Variants in C17orf113 observed in about 807,000 individuals in gnomAD.
C17orf113 encodes uncharacterized protein C17orf113.
A neutral mutation model predicts 11.6 loss-of-function variants in C17orf113; 5 were observed. The ratio of observed to expected loss-of-function variants is 0.43; its 90% CI spans 0.23 to 0.91. The LOEUF (loss-of-function observed/expected upper bound fraction) is 0.91. C17orf113 is among the 40% of genes least tolerant of loss of function. The pLI is 0.26. For synonymous variants in C17orf113, 327 were observed against 390.6 expected (o/e 0.84, Z 1.92); for missense variants, 714 against 841.3 (o/e 0.85, Z 1.87).
intron 1 of C17orf113, among the ~76,000 whole-genome samples, chr17:42,045,272 C>T (rs561086141): frequency 2.0e-5 from 3 of 152,166 alleles, no homozygotes; most frequent in South Asian, 2.1e-4. Context: ...AGGATGGTCT[C>T]GATCTCCTGA....
chr17:42,046,844 T>C (rs1229087788), intron 1 of C17orf113, among the ~76,000 whole-genome samples: 3 of 151,722 alleles, frequency 2.0e-5, no homozygotes, highest in Non-Finnish European at 4.4e-5. Context: ...AGACTGTCAA[T>C]TAGATGATAT....
Position 42,043,283 on chromosome 17 carries a change from T to C in C17orf113, c.94A>G (p.Thr32Ala), listed in dbSNP as rs1185374265. 2.4e-6 allele frequency: 3 copies of C among 1,232,140 alleles called. No individual in the cohort carries two copies. The highest frequency in any genetic ancestry group is 1.6e-5 in the African/African-American group (1 of 64,444). 76.3% of individuals were successfully genotyped at this position (1,232,140 alleles called of 1,614,324 possible). A position where few individuals can be genotyped will look rare whatever the true frequency, so the allele number is the denominator to read the frequency against. Reference sequence around the variant, plus strand: ...CGCTCATAGTCAAAGTCCAGCCAGGTAAACTCCTCTTTCCAGTGCTCGTTG... The same window carrying C: ...CGCTCATAGTCAAAGTCCAGCCAGGCAAACTCCTCTTTCCAGTGCTCGTTG... ...YFNEHWKEEF[T>A]WLDFDYERKL... The change falls in exon 2 of 3, where the codon ACC (threonine) becomes GCC (alanine). Residue 32 changes from threonine to alanine, a missense_variant. This residue lies in a region of C17orf113 where 516 missense variants were observed against 626.6 expected (regional missense o/e 0.82). Transcript: ENST00000587304.
Position 42,042,861 on chromosome 17 carries a change from G to A in C17orf113, c.516C>T (p.Tyr172=). ...ALLGTEHGDY[Y]SPRRVRDMQV... is the part of the protein sequence containing the mutation. ...GCATGTCCCTCACCCTCCTGGGACTGTAGTAATCGCCATGCTCTGTGCCCA... is the reference window on the plus strand; with the variant it reads ...GCATGTCCCTCACCCTCCTGGGACTATAGTAATCGCCATGCTCTGTGCCCA... The change falls in exon 2 of 3, where the codon TAC becomes TAT. Residue 172 remains tyrosine, a synonymous_variant. Transcript: ENST00000587304. The A allele has an allele frequency of 8.1e-7, 1 of 1,232,328 alleles. No individual in the cohort carries two copies. Among genetic ancestry groups the A allele is most frequent in the Non-Finnish European group, 1.0e-6 (1 of 988,084 alleles). The allele number at this position is 1,232,328 out of a possible 1,614,324, so 76.3% of individuals were successfully genotyped here.
Position 42,039,258 on chromosome 17 carries a change from GAAAAA to G in C17orf113, c.*442_*446del, listed in dbSNP as rs532571836. On this transcript the variant is annotated 3_prime_UTR_variant, in exon 3 of 3. Transcript: ENST00000587304. Reference sequence around the variant, plus strand: ...AGAGCAAGACTCCATCTCAAAAAAAGAAAAAAAAAGAAAAGAAAAAGAAAGAAACA... The same window carrying G: ...AGAGCAAGACTCCATCTCAAAAAAAGAAAAGAAAAGAAAAAGAAAGAAACA... 7.7e-4 allele frequency: 118 copies of G among 153,396 alleles called. No homozygotes were observed. The highest frequency in any genetic ancestry group is 6.5e-3 in the Middle Eastern group (2 of 310). 9.5% of individuals were successfully genotyped at this position (153,396 alleles called of 1,614,324 possible).
chr17:42,039,655 T>G lies in C17orf113; in HGVS notation c.*50A>C. The G allele has an allele frequency of 8.1e-7, 1 of 1,227,080 alleles. No homozygotes were observed. The highest frequency in any genetic ancestry group is 1.0e-6 in the Non-Finnish European group (1 of 983,394). The allele number at this position is 1,227,080 out of a possible 1,614,324, so 76.0% of individuals were successfully genotyped here. A position where few individuals can be genotyped will look rare whatever the true frequency, so the allele number is the denominator to read the frequency against. ...GCATGGTCAAGTCTAGGTTGGCCCT[T>G]ACAGTGCCCAGGGCCCCAGGCTGGA... is the stretch of plus-strand genomic sequence containing the variant. On this transcript the variant is annotated 3_prime_UTR_variant, in exon 3 of 3. Coordinates refer to ENST00000587304, the MANE Select transcript of C17orf113 (RefSeq NM_001358661.2).
chr17:42,038,238 G>A lies in C17orf113; in HGVS notation c.*1467C>T. ...CACCACCATGGAGACTGCATGATGT[G>A]CTGGGATTCCATTTTATTGCAAATT... On this transcript the variant is annotated 3_prime_UTR_variant, in exon 3 of 3. Coordinates refer to ENST00000587304, the MANE Select transcript of C17orf113 (RefSeq NM_001358661.2). 2 of 561,926 alleles carry A rather than the reference G, an allele frequency of 3.6e-6. No individual in the cohort carries two copies. The highest frequency in any genetic ancestry group is 9.3e-4 in the Middle Eastern group (2 of 2,146). The allele number at this position is 561,926 out of a possible 1,614,324, so 34.8% of individuals were successfully genotyped here. A position where few individuals can be genotyped will look rare whatever the true frequency, so the allele number is the denominator to read the frequency against.
chr17:42,043,168 T>C lies in C17orf113; in HGVS notation c.209A>G (p.Asn70Ser), dbSNP rs1422774323. The change falls in exon 2 of 3, where the codon AAC becomes AGC. Residue 70 changes from asparagine (N) to serine (S), a missense_variant. Around this residue, in one of 3 missense-constraint regions of C17orf113, gnomAD observed 516 missense variants for 626.6 expected, o/e 0.82. Coordinates refer to ENST00000587304, the MANE Select transcript of C17orf113 (RefSeq NM_001358661.2). ...GCGCAGCAGGGCGTGGCGCTGGAAG[T>C]TGTCTGTGCCCACAGTGAAGGCGTT... ...AENAFTVGTD[N>S]FQRHALLRHV... 16 of 1,232,070 alleles carry C rather than the reference T, an allele frequency of 1.3e-5. No homozygotes were observed. The African/African-American group carries it at 2.2e-4, about 17-fold the overall frequency. The allele number at this position is 1,232,070 out of a possible 1,614,324, so 76.3% of individuals were successfully genotyped here.
At chr17:42,046,358 T>C (rs565290511) in intron 1 of C17orf113, among the ~76,000 whole-genome samples, 1 of 152,152 alleles carries the variant, frequency 6.6e-6, no homozygotes, top group East Asian at 1.9e-4. Flanking sequence ...TTTGGGAAGC[T>C]GAGGTAGGAG....
intron 1 of C17orf113, among the ~76,000 whole-genome samples, chr17:42,044,140 T>TTA (rs782534931): frequency 1.2e-5 from 1 of 83,596 alleles, no homozygotes; most frequent in Non-Finnish European, 2.2e-5. Flanking sequence ...ACCCCATCTC[T>TTA]AAAAAAAAAA....
Position 42,041,146 on chromosome 17 carries a change from A to G in C17orf113, c.587T>C (p.Leu196Pro), listed in dbSNP as rs986920062. 4 of 1,232,322 alleles carry G rather than the reference A, an allele frequency of 3.2e-6. No individual in the cohort carries two copies. In the African/African-American group the frequency reaches 6.2e-5, roughly 19 times the overall value. The allele number at this position is 1,232,322 out of a possible 1,614,324, so 76.3% of individuals were successfully genotyped here. ...CAGCCCCACATATGGGGATGCCTTC[A>G]GGCGCTGGCAGGCCTCTGTGTGCAA... The part of the protein sequence containing the change: ...SVLHTEACQR[L>P]KASPYVGLVL... Residue 196 changes from leucine (L) to proline (P), a missense_variant, in exon 3 of 3, where the codon CTG becomes CCG. Physicochemically the swap from Leu to Pro is moderately conservative, Grantham distance 98. This residue lies in a region of C17orf113 where 516 missense variants were observed against 626.6 expected (regional missense o/e 0.82). Coordinates refer to ENST00000587304, the MANE Select transcript of C17orf113 (RefSeq NM_001358661.2).
At position 42,040,705 on chromosome 17, in the gene C17orf113, GC is replaced by G; in HGVS notation, c.1027del (p.Ala343LeufsTer18). On this transcript the variant is annotated frameshift_variant, in exon 3 of 3. Coordinates refer to ENST00000587304, the MANE Select transcript of C17orf113 (RefSeq NM_001358661.2). LOFTEE classifies it low-confidence loss of function (END_TRUNC). ...TGGCCGAGGCCCTGCCAAGTCAATA[GC>G]TGCAAGGTCCAGTGCTGCCCGGAGC... ...PELRAALDLA[A>X]IDLAGPRPVP... The G allele has an allele frequency of 2.4e-6, 3 of 1,232,326 alleles. No individual in the cohort carries two copies. Among genetic ancestry groups the G allele is most frequent in the Non-Finnish European group, 3.0e-6 (3 of 988,078 alleles). The allele number at this position is 1,232,326 out of a possible 1,614,324, so 76.3% of individuals were successfully genotyped here.
chr17:42,045,106 A>T (rs931898610), intron 1 of C17orf113, among the ~76,000 whole-genome samples: 1 of 152,106 alleles, frequency 6.6e-6, no homozygotes, highest in East Asian at 1.9e-4. Context: ...TTTAGTGGAG[A>T]CGGGGTTTCA....
intron 1 of C17orf113, among the ~76,000 whole-genome samples, chr17:42,046,675 C>T (rs1266877258): frequency 1.3e-5 from 2 of 151,980 alleles, no homozygotes; most frequent in African/African-American, 2.4e-5. Context: ...CACTTGAGCT[C>T]AGGAGTTCAA....
chr17:42,041,385 C>T (rs1237004158), intron 2 of C17orf113, among the ~76,000 whole-genome samples, 196 bp from the exon 3 acceptor site: 1 of 152,210 alleles, frequency 6.6e-6, no homozygotes, highest in East Asian at 1.9e-4. Context: ...TCAGTTTTCT[C>T]ATCTCTACAG....
At chr17:42,044,303 G>A (rs2053099375) in intron 1 of C17orf113, among the ~76,000 whole-genome samples, 1 of 77,782 alleles carries the variant, frequency 1.3e-5, no homozygotes, top group Non-Finnish European at 2.4e-5. Context: ...GCTAGACCCT[G>A]TCTCAAAAAA....
Position 42,040,015 on chromosome 17 carries a change from C to T in C17orf113, c.1718G>A (p.Arg573Gln), listed in dbSNP as rs1598184342. The change falls in exon 3 of 3, where the codon CGG (arginine) becomes CAG (glutamine). Residue 573 changes from arginine (R) to glutamine (Q), a missense_variant. Arg to Gln is a conservative substitution (Grantham distance 43, BLOSUM62 1). Coordinates refer to ENST00000587304, the MANE Select transcript of C17orf113 (RefSeq NM_001358661.2). Reference sequence around the variant, plus strand: ...GGTGCACAGGGCCCGCGGGCCGAGCCGCCCAAGGCCGAATACTACGCGCTT... The same window carrying T: ...GGTGCACAGGGCCCGCGGGCCGAGCTGCCCAAGGCCGAATACTACGCGCTT... The part of the protein sequence containing the change: ...LFKRVVFGLG[R>Q]LGPRALCTQL... The T allele has an allele frequency of 2.4e-6, 3 of 1,231,038 alleles. No individual in the cohort carries two copies. The highest frequency in any genetic ancestry group is 3.2e-5 in the East Asian group (1 of 31,660). 76.3% of individuals were successfully genotyped at this position (1,231,038 alleles called of 1,614,324 possible). A position where few individuals can be genotyped will look rare whatever the true frequency, so the allele number is the denominator to read the frequency against.
intron 2 of C17orf113, among the ~76,000 whole-genome samples, chr17:42,041,871 A>G (rs879979703): frequency 6.6e-6 from 1 of 152,144 alleles, no homozygotes; most frequent in Non-Finnish European, 1.5e-5. Flanking sequence ...TTGAGCTTGG[A>G]GAGGGCCAGG....
chr17:42,045,209 G>A (rs956475777), intron 1 of C17orf113, among the ~76,000 whole-genome samples: 5 of 152,070 alleles, frequency 3.3e-5, no homozygotes, highest in East Asian at 3.9e-4. Flanking sequence ...GAGCCACCGC[G>A]CCCAGCCAAT....
intron 2 of C17orf113, among the ~76,000 whole-genome samples, chr17:42,042,058 A>G (rs2053035006): frequency 6.6e-6 from 1 of 152,206 alleles, no homozygotes; most frequent in Non-Finnish European, 1.5e-5. Context: ...CCAATTAAAC[A>G]GGCTCAGCAC....
Sources: gnomAD v4.1 joint callset for allele counts (sites outside exome capture counted in the v4.1 genomes callset) on GRCh38, gnomAD v4.1.1 for gene constraint, gnomAD v4.1.1 regional missense constraint, MANE v1.5 for transcripts, NCBI Gene and HGNC (gene_info 2026-07-23, HGNC 2026-07-21) for gene names.